ARHGAP42: variants seen among roughly 807,000 people sequenced by gnomAD.
ARHGAP42 encodes Rho GTPase activating protein 42.
A neutral mutation model predicts 125.0 loss-of-function variants in ARHGAP42; 63 were observed. The ratio of observed to expected loss-of-function variants is 0.50; its 90% CI spans 0.41 to 0.62. ARHGAP42 has a LOEUF of 0.62. Ranked by LOEUF, ARHGAP42 falls within the 20% of genes least tolerant of loss-of-function variation. The probability of loss-of-function intolerance (pLI) is 0.00; values close to 1 mark genes in which losing one functional copy is unlikely to be tolerated. For missense variants in ARHGAP42, 766 were observed against 1,024.2 expected (o/e 0.75, Z 3.44); for synonymous variants, 339 against 351.0 (o/e 0.97, Z 0.38).
At chr11:100,958,937 TG>T (rs956374176) in intron 12 of ARHGAP42, among the ~76,000 whole-genome samples, 1 of 148,522 alleles carries the variant, frequency 6.7e-6, no homozygotes, top group African/African-American at 2.5e-5. Flanking sequence ...ATAATTTTTT[TG>T]ATATATATTT....
At position 100,980,138 on chromosome 11, in the gene ARHGAP42, GA is replaced by G. The variant is rs369148550; in HGVS notation, c.2456+1091del. Among the ~76,000 whole-genome samples, 47 of 152,212 alleles carry G rather than the reference GA, an allele frequency of 3.1e-4. No individual in the cohort carries two copies. In the East Asian group the frequency reaches 9.1e-3, roughly 29 times the overall value. ...GTAGAGCCACTTTGGTATCTTCCTAGAATAATGGTCAGTGCCTAGCATTTAA... is the reference window on the plus strand; with the variant it reads ...GTAGAGCCACTTTGGTATCTTCCTAGATAATGGTCAGTGCCTAGCATTTAA... On this transcript the variant is annotated intron_variant, in intron 22 of 23. Coordinates refer to ENST00000298815, the MANE Select transcript of ARHGAP42 (RefSeq NM_152432.4).
At chr11:100,970,444 G>A (rs773986243) in intron 17 of ARHGAP42, among the ~76,000 whole-genome samples, 12 of 151,982 alleles carry the variant, frequency 7.9e-5, no homozygotes, top group Admixed American at 2.6e-4. Flanking sequence ...ATTTCCTTAG[G>A]TGATCTATAA....
chr11:100,941,266 G>C (rs1038952505), intron 8 of ARHGAP42, among the ~76,000 whole-genome samples: 3 of 152,160 alleles, frequency 2.0e-5, no homozygotes, highest in African/African-American at 7.2e-5. Context: ...ATGGAGAAAA[G>C]AATGTGGGAG....
chr11:100,847,303 AG>A (rs1156886694), intron 3 of ARHGAP42, among the ~76,000 whole-genome samples: 2 of 152,288 alleles, frequency 1.3e-5, no homozygotes, highest in Non-Finnish European at 2.9e-5. Flanking sequence ...ACACACATTC[AG>A]GGTATCTGCC....
chr11:100,895,918 G>A (rs982719366), intron 4 of ARHGAP42, among the ~76,000 whole-genome samples: 1 of 152,028 alleles, frequency 6.6e-6, no homozygotes, highest in Non-Finnish European at 1.5e-5. Flanking sequence ...GTATACATGT[G>A]CCATGTTGGT....
At chr11:100,870,775 C>T (rs1376990639) in intron 4 of ARHGAP42, among the ~76,000 whole-genome samples, 1 of 152,096 alleles carries the variant, frequency 6.6e-6, no homozygotes, top group Non-Finnish European at 1.5e-5. Context: ...CATTTGGAAT[C>T]GGTAGATTTG....
chr11:100,691,445 A>G (rs968193152), intron 1 of ARHGAP42, among the ~76,000 whole-genome samples: 1 of 152,222 alleles, frequency 6.6e-6, no homozygotes, highest in Non-Finnish European at 1.5e-5. Context: ...CCTTGTAATA[A>G]TACACAGACC....
intron 1 of ARHGAP42, among the ~76,000 whole-genome samples, chr11:100,734,572 C>T (rs1159453168): frequency 6.6e-6 from 1 of 152,212 alleles, no homozygotes; most frequent in East Asian, 1.9e-4. Flanking sequence ...TCAGACACCA[C>T]GCCCAACCAG....
rs572233823 is a variant in ARHGAP42, at chr11:100,699,878, T to C, written c.154+12046T>C. Among the ~76,000 whole-genome samples the C allele has an allele frequency of 9.2e-5, 14 of 152,256 alleles. No individual in the cohort carries two copies. In the South Asian group the frequency reaches 2.9e-3, roughly 32 times the overall value. On this transcript the variant is annotated intron_variant, in intron 1 of 23. Transcript: ENST00000298815. ...GGAAATAAAAGTGCCAGCAGTGCCA[T>C]GCTCTGTCTGAGTTCTCTATGGGAG... is the stretch of plus-strand genomic sequence containing the variant.
chr11:100,925,122 A>G (rs911869617), intron 6 of ARHGAP42, among the ~76,000 whole-genome samples: 4 of 151,884 alleles, frequency 2.6e-5, no homozygotes, highest in African/African-American at 9.7e-5. Flanking sequence ...GTGAGCCACC[A>G]CACCTGGCCT....
At chr11:100,968,257 C>G (rs894212171) in intron 17 of ARHGAP42, among the ~76,000 whole-genome samples, 2 of 152,080 alleles carry the variant, frequency 1.3e-5, no homozygotes, top group African/African-American at 4.8e-5. Flanking sequence ...TTGATAATCT[C>G]TGACTTGATT....
At chr11:100,846,850 C>T (rs1215462890) in intron 3 of ARHGAP42, among the ~76,000 whole-genome samples, 1 of 152,044 alleles carries the variant, frequency 6.6e-6, no homozygotes, top group Non-Finnish European at 1.5e-5. Flanking sequence ...AGATAGGGAA[C>T]AAGTGGAACA....
intron 1 of ARHGAP42, among the ~76,000 whole-genome samples, chr11:100,767,345 T>A (rs1055532176): frequency 6.6e-6 from 1 of 152,170 alleles, no homozygotes; most frequent in Admixed American, 6.6e-5. Context: ...GTCATGACAC[T>A]TAATTATTGG....
chr11:100,757,153 C>A (rs1340301873), intron 1 of ARHGAP42, among the ~76,000 whole-genome samples: 1 of 152,026 alleles, frequency 6.6e-6, no homozygotes. Context: ...GTAAATAAGA[C>A]ATGAAAATTA....
chr11:100,845,163 C>G (rs971780803), intron 3 of ARHGAP42, among the ~76,000 whole-genome samples: 11 of 151,894 alleles, frequency 7.2e-5, no homozygotes, highest in Admixed American at 2.0e-4. Context: ...CAGTGGAATA[C>G]TACTCAGCCA....
At chr11:100,897,888 G>A (rs1866408190) in intron 4 of ARHGAP42, among the ~76,000 whole-genome samples, 1 of 152,194 alleles carries the variant, frequency 6.6e-6, no homozygotes, top group Non-Finnish European at 1.5e-5. Flanking sequence ...TTGAATAGGA[G>A]TGGTGAGAGA....
chr11:100,980,559 C>CTTCTTCTT (rs1555037006), intron 22 of ARHGAP42, among the ~76,000 whole-genome samples: 9 of 51,956 alleles, frequency 1.7e-4, no homozygotes, highest in Admixed American at 6.9e-4. Flanking sequence ...TTTTCTTCTT[C>CTTCTTCTT]TTTTTTTTTT....
chr11:100,895,436 A>T (rs1866327709), intron 4 of ARHGAP42, among the ~76,000 whole-genome samples: 1 of 152,008 alleles, frequency 6.6e-6, no homozygotes, highest in African/African-American at 2.4e-5. Context: ...TGGGCCTTAG[A>T]AAAGAAATAT....
intron 1 of ARHGAP42, among the ~76,000 whole-genome samples, chr11:100,720,844 TGAATATTAAAAA>T (rs1389086902): frequency 6.6e-6 from 1 of 152,126 alleles, no homozygotes; most frequent in African/African-American, 2.4e-5. Flanking sequence ...TACTCAAAAA[TGAATATTAAAAA>T]GAACTACCAT....
Sources: gnomAD v4.1 joint callset for allele counts (sites outside exome capture counted in the v4.1 genomes callset) on GRCh38, gnomAD v4.1.1 for gene constraint, MANE v1.5 for transcripts, NCBI Gene and HGNC (gene_info 2026-07-23, HGNC 2026-07-21) for gene names.